Variants in NIPBL observed in about 807,000 individuals in gnomAD.
NIPBL encodes the protein NIPBL cohesin loading factor.
In NIPBL, 19 loss-of-function variants were observed where a neutral mutation model predicts 321.8. That is an observed-to-expected ratio of 0.06 (90% CI 0.04 to 0.09). The LOEUF is 0.09. NIPBL is among the 10% of genes least tolerant of loss of function. The pLI is 1.00. For synonymous variants in NIPBL, 1,106 were observed against 1,114.1 expected (o/e 0.99, Z 0.14); for missense variants, 2,210 against 3,327.0 (o/e 0.66, Z 8.26).
chr5:36,937,379 A>G (rs1348261038), intron 1 of NIPBL, among the ~76,000 whole-genome samples: 1 of 152,196 alleles, frequency 6.6e-6, no homozygotes, highest in Admixed American at 6.6e-5. Flanking sequence ...GAGAAAATGT[A>G]TTAATAGAGG....
At position 37,000,687 on chromosome 5, in the gene NIPBL, A is replaced by T; in HGVS notation, c.3502+117A>T. On this transcript the variant is annotated intron_variant, in intron 12 of 46. Coordinates refer to ENST00000282516, the MANE Select transcript of NIPBL (RefSeq NM_133433.4). Reference sequence around the variant, plus strand: ...AATAACTAATTTTCAATTAAGACAAAAATACTTAGTTTCTATGTGCAGTGA... The same window carrying T: ...AATAACTAATTTTCAATTAAGACAATAATACTTAGTTTCTATGTGCAGTGA... 7 of 1,313,418 alleles carry T rather than the reference A, an allele frequency of 5.3e-6. No individual in the cohort carries two copies. The South Asian group carries it at 7.6e-5, about 14-fold the overall frequency. 81.4% of individuals were successfully genotyped at this position (1,313,418 alleles called of 1,614,324 possible).
intron 1 of NIPBL, among the ~76,000 whole-genome samples, chr5:36,920,676 T>C (rs1748862160): frequency 6.6e-6 from 1 of 152,202 alleles, no homozygotes; most frequent in African/African-American, 2.4e-5. Context: ...TATAAATGTC[T>C]TTCAGCAAAG....
chr5:37,014,565 T>G, intron 21 of NIPBL, 118 bp from the exon 22 acceptor site: 1 of 654,956 alleles, frequency 1.5e-6, no homozygotes. Flanking sequence ...TATAATGTAA[T>G]AGTTTAAGCA....
rs983335705 is a variant in NIPBL, at chr5:36,892,755, A to G, written c.-80+15577A>G. ...TTGAACAGTGAGAACCCTTGGACAC[A>G]GGAGGGGGAACATCACACACCAGGG... On this transcript the variant is annotated intron_variant, in intron 1 of 46. Transcript: ENST00000282516. Among the ~76,000 whole-genome samples the G allele has an allele frequency of 2.6e-4, 39 of 150,056 alleles. 1 individual carries two copies. Among genetic ancestry groups the G allele is most frequent in the Middle Eastern group, 3.4e-3 (1 of 294 alleles).
chr5:36,916,444 G>T (rs1321277684), intron 1 of NIPBL, among the ~76,000 whole-genome samples: 1 of 152,132 alleles, frequency 6.6e-6, no homozygotes, highest in Non-Finnish European at 1.5e-5. Flanking sequence ...TAAAACCACG[G>T]AAGTGCCCTC....
intron 1 of NIPBL, among the ~76,000 whole-genome samples, chr5:36,895,479 AC>A (rs1308260606): frequency 6.6e-6 from 1 of 152,196 alleles, no homozygotes; most frequent in East Asian, 1.9e-4. Context: ...CTGAGTAGGT[AC>A]AAAGGGGCAA....
intron 1 of NIPBL, among the ~76,000 whole-genome samples, chr5:36,945,896 G>C (rs1739612002): frequency 6.6e-6 from 1 of 152,046 alleles, no homozygotes; most frequent in African/African-American, 2.4e-5. Flanking sequence ...CTGGAGAGGT[G>C]CCACTCTCTA....
intron 34 of NIPBL, among the ~76,000 whole-genome samples, chr5:37,040,705 A>G (rs1273366545): frequency 6.6e-6 from 1 of 152,182 alleles, no homozygotes; most frequent in African/African-American, 2.4e-5. Flanking sequence ...ATTTTGTTGG[A>G]ACAGTTTCTG....
In NIPBL at chr5:37,044,406, A is replaced by T; in HGVS notation, c.6168A>T (p.Pro2056=). Residue 2056 remains proline, a synonymous_variant, in exon 35 of 47, where the codon CCA becomes CCT. Coordinates refer to ENST00000282516, the MANE Select transcript of NIPBL (RefSeq NM_133433.4). ...NVAKILELVV[P]LMEHPSETFL... ...CAAAAATCCTAGAGCTAGTTGTACC[A>T]CTGATGGAGCATCCAAGTGAAACTT... 1.2e-6 allele frequency: 2 copies of T among 1,613,910 alleles called. No individual in the cohort carries two copies. Among genetic ancestry groups the T allele is most frequent in the Non-Finnish European group, 8.5e-7 (1 of 1,179,832 alleles).
intron 44 of NIPBL, 52 bp from the exon 45 acceptor site, chr5:37,060,792 A>C: frequency 6.7e-7 from 1 of 1,499,654 alleles, no homozygotes; most frequent in African/African-American, 1.4e-5. Context: ...GATTTCTCCA[A>C]ATACGTTGTT....
chr5:37,025,506 G>A (rs1454652173), intron 30 of NIPBL, among the ~76,000 whole-genome samples: 1 of 152,126 alleles, frequency 6.6e-6, no homozygotes, highest in Non-Finnish European at 1.5e-5. Flanking sequence ...GGTTAGCAGA[G>A]GGAGGGAAGG....
At chr5:36,999,026 G>T (rs1311737762) in intron 11 of NIPBL, among the ~76,000 whole-genome samples, 1 of 152,138 alleles carries the variant, frequency 6.6e-6, no homozygotes, top group Non-Finnish European at 1.5e-5. Context: ...ACCTTTTCCT[G>T]CCATGTTGTC....
chr5:36,947,343 G>A (rs1025424566), intron 1 of NIPBL, among the ~76,000 whole-genome samples: 1 of 151,862 alleles, frequency 6.6e-6, no homozygotes, highest in Non-Finnish European at 1.5e-5. Context: ...ATCACACCAT[G>A]GTTACATGTA....
intron 9 of NIPBL, among the ~76,000 whole-genome samples, chr5:36,981,788 T>C (rs10044405): frequency 0.017 from 2,528 of 151,840 alleles, 77 homozygotes; most frequent in African/African-American, 0.058. Context: ...CTAATGTTTT[T>C]ATAATGTTAC....
chr5:36,934,259 T>A (rs1025244377), intron 1 of NIPBL, among the ~76,000 whole-genome samples: 1 of 152,182 alleles, frequency 6.6e-6, no homozygotes, highest in Non-Finnish European at 1.5e-5. Context: ...ATTTCAAAAA[T>A]TAATTTTTAA....
intron 32 of NIPBL, among the ~76,000 whole-genome samples, chr5:37,033,860 G>A (rs1327125489): frequency 6.7e-6 from 1 of 149,358 alleles, no homozygotes; most frequent in African/African-American, 2.5e-5. Flanking sequence ...GCACCACCAT[G>A]CCCAGCCTGA....
Position 36,995,705 on chromosome 5 carries a change from G to T in NIPBL, c.3205G>T (p.Val1069Leu). The change falls in exon 11 of 47, where the codon GTG (valine) becomes TTG (leucine). Residue 1069 changes from valine (V) to leucine (L), a missense_variant. Val to Leu is a conservative substitution (Grantham distance 32). This residue lies in a region of NIPBL where 381 missense variants were observed against 642.3 expected (regional missense o/e 0.59). Transcript: ENST00000282516. ...IESTMPLCER[V>L]KMNKRKRSTV... is the part of the protein sequence containing the mutation. Reference sequence around the variant, plus strand: ...GTCCACCATGCCACTTTGTGAACGTGTGAAAATGAACAAACGCAAGCGTAG... The same window carrying T: ...GTCCACCATGCCACTTTGTGAACGTTTGAAAATGAACAAACGCAAGCGTAG... 6.2e-7 allele frequency: 1 copy of T among 1,613,736 alleles called. No homozygotes were observed. The highest frequency in any genetic ancestry group is 8.5e-7 in the Non-Finnish European group (1 of 1,179,798).
intron 1 of NIPBL, among the ~76,000 whole-genome samples, chr5:36,933,395 C>CT (rs1257240527): frequency 6.6e-6 from 1 of 151,904 alleles, no homozygotes; most frequent in Non-Finnish European, 1.5e-5. Context: ...GGAAATAATA[C>CT]TTGATATGTT....
At chr5:36,953,477 A>C in intron 1 of NIPBL, 141 bp from the exon 2 acceptor site, 1 of 586,836 alleles carries the variant, frequency 1.7e-6, no homozygotes, top group Non-Finnish European at 3.0e-6. Context: ...CTTAACATGT[A>C]ATAAGTGGTA....
Sources: gnomAD v4.1 joint callset for allele counts (sites outside exome capture counted in the v4.1 genomes callset) on GRCh38, gnomAD v4.1.1 for gene constraint, gnomAD v4.1.1 regional missense constraint, MANE v1.5 for transcripts, NCBI Gene and HGNC (gene_info 2026-07-23, HGNC 2026-07-21) for gene names.